Variants in MUC5B observed in about 807,000 individuals in gnomAD.
MUC5B encodes mucin 5B, oligomeric mucus/gel-forming, also known as mucin-5B.
MUC5B carries 116 observed loss-of-function variants against 376.9 expected under a neutral mutation model. The observed-to-expected ratio is 0.31, with a 90% confidence interval of 0.26 to 0.36. The LOEUF is 0.36. Ranked by LOEUF, MUC5B falls within the 10% of genes least tolerant of loss-of-function variation. The probability of loss-of-function intolerance (pLI) is 1.00; values close to 1 mark genes in which losing one functional copy is unlikely to be tolerated. For missense variants in MUC5B, 7,165 were observed against 7,769.9 expected (o/e 0.92, Z 2.93); for synonymous variants, 3,517 against 3,390.9 (o/e 1.04, Z -1.29).
Position 1,250,340 on chromosome 11 carries a change from C to T in MUC5B, c.13460C>T (p.Thr4487Ile), listed in dbSNP as rs1293731433. Residue 4487 changes from threonine to isoleucine, a missense_variant, in exon 31 of 49, where the codon ACA becomes ATA. Transcript: ENST00000529681. ...CCACATGTGAGCACCACGGCCACGA[C>T]ACCCACAGTCACCAGCTCCAAAGCC... ...GTPHVSTTAT[T>I]PTVTSSKATP... The T allele has an allele frequency of 2.5e-6, 4 of 1,613,394 alleles. No individual in the cohort carries two copies. The highest frequency in any genetic ancestry group is 3.4e-6 in the Non-Finnish European group (4 of 1,179,722).
Position 1,251,345 on chromosome 11 carries a change from T to C in MUC5B, c.14465T>C (p.Leu4822Pro), listed in dbSNP as rs182095243. Reference sequence around the variant, plus strand: ...GGGACGACCCGGATCCTCACTGAGCTGACCACAACAGCCACTACAACTGCA... The same window carrying C: ...GGGACGACCCGGATCCTCACTGAGCCGACCACAACAGCCACTACAACTGCA... ...TLGTTRILTE[L>P]TTTATTTAAT... The change falls in exon 31 of 49, where the codon CTG becomes CCG. Residue 4822 changes from leucine to proline, a missense_variant. Transcript: ENST00000529681. 6.4e-7 allele frequency: 1 copy of C among 1,553,524 alleles called. No individual in the cohort carries two copies. Among genetic ancestry groups the C allele is most frequent in the East Asian group, 2.2e-5 (1 of 44,860 alleles).
intron 10 of MUC5B, 85 bp downstream of exon 10, chr11:1,229,892 G>C (rs1177812390): frequency 6.5e-7 from 1 of 1,544,608 alleles, no homozygotes; most frequent in Admixed American, 1.9e-5. Context: ...GCCTGGGGTG[G>C]GGGTGTGGAG....
Position 1,223,075 on chromosome 11 carries a change from G to A in MUC5B, c.-49G>A, listed in dbSNP as rs760883525. ...CCCCAGGGGAGCAAGCACCCGGCCC[G>A]GCTCCCTCCCTGCCCGTCCCCGTCC... On this transcript the variant is annotated 5_prime_UTR_variant, in exon 1 of 49. Transcript: ENST00000529681. 15 of 689,504 alleles carry A rather than the reference G, an allele frequency of 2.2e-5. No individual in the cohort carries two copies. Among genetic ancestry groups the A allele is most frequent in the East Asian group, 8.1e-5 (3 of 36,990 alleles). The allele number at this position is 689,504 out of a possible 1,614,324, so 42.7% of individuals were successfully genotyped here. A position where few individuals can be genotyped will look rare whatever the true frequency, so the allele number is the denominator to read the frequency against.
rs369647818 is a variant in MUC5B at position 1,244,637 on chromosome 11, C to G, written c.7757C>G (p.Thr2586Arg). ...TSTVLTTTAT[T>R]TGATGSVATP... ...ACAGTGCTTACCACCACGGCCACCACAACCGGGGCCACCGGCTCTGTGGCC... is the reference window on the plus strand; with the variant it reads ...ACAGTGCTTACCACCACGGCCACCAGAACCGGGGCCACCGGCTCTGTGGCC... Residue 2586 changes from threonine to arginine, a missense_variant, in exon 31 of 49, where the codon ACA becomes AGA. Coordinates refer to ENST00000529681, the MANE Select transcript of MUC5B (RefSeq NM_002458.3). 7.4e-6 allele frequency: 12 copies of G among 1,613,752 alleles called. No individual in the cohort carries two copies. Among genetic ancestry groups the G allele is most frequent in the Non-Finnish European group, 1.0e-5 (12 of 1,179,802 alleles).
chr11:1,223,295 T>A (rs1475340054), intron 1 of MUC5B, 102 bp downstream of exon 1: 5 of 697,468 alleles, frequency 7.2e-6, no homozygotes, highest in Admixed American at 2.0e-5. Flanking sequence ...CACGGGCAGA[T>A]CCCCCTACGA....
At chr11:1,228,787 G>C in intron 8 of MUC5B, 22 bp downstream of exon 8, 1 of 1,323,142 alleles carries the variant, frequency 7.6e-7, no homozygotes, top group Non-Finnish European at 9.8e-7. Flanking sequence ...CAGGGCCTTC[G>C]CCAGGGATTG....
At position 1,242,210 on chromosome 11, in the gene MUC5B, C is replaced by T. The variant is rs759871697; in HGVS notation, c.5330C>T (p.Thr1777Ile). The T allele has an allele frequency of 6.2e-6, 10 of 1,613,598 alleles. No individual in the cohort carries two copies. The South Asian group carries it at 8.8e-5, about 14-fold the overall frequency. ...ATGAGCCCCTTGACTAACACCACCA[C>T]CAGCCAGGGCACGACCCGCTGTCAA... ...TTMSPLTNTT[T>I]SQGTTRCQPK... Residue 1777 changes from threonine (T) to isoleucine (I), a missense_variant, in exon 31 of 49, where the codon ACC (threonine) becomes ATC (isoleucine). By Grantham distance (89) the Thr-to-Ile change is moderately conservative (BLOSUM62 -1). Transcript: ENST00000529681.
At position 1,247,504 on chromosome 11, in the gene MUC5B, A is replaced by G; in HGVS notation, c.10624A>G (p.Thr3542Ala). 7 of 1,607,970 alleles carry G rather than the reference A, an allele frequency of 4.4e-6. No homozygotes were observed. Among genetic ancestry groups the G allele is most frequent in the Non-Finnish European group, 5.9e-6 (7 of 1,177,630 alleles). ...HTRGTSRTTA[T>A]ATPSKTRTST... ...CAGGGGCACCTCCAGGACCACAGCCACAGCCACACCCAGCAAGACCCGCAC... is the reference window on the plus strand; with the variant it reads ...CAGGGGCACCTCCAGGACCACAGCCGCAGCCACACCCAGCAAGACCCGCAC... The change falls in exon 31 of 49, where the codon ACA (threonine) becomes GCA (alanine). Residue 3542 changes from threonine to alanine, a missense_variant. Transcript: ENST00000529681.
rs60268710 is a variant in MUC5B, at chr11:1,246,332, C to T, written c.9452C>T (p.Thr3151Met). 501,714 of 1,612,516 alleles carry T rather than the reference C, an allele frequency of 0.31. 81,152 individuals are homozygous for T. Among genetic ancestry groups the T allele is most frequent in the East Asian group, 0.6 (26,814 of 44,684 alleles). Residue 3151 changes from threonine (T) to methionine (M), a missense_variant, in exon 31 of 49, where the codon ACG (threonine) becomes ATG (methionine). Coordinates refer to ENST00000529681, the MANE Select transcript of MUC5B (RefSeq NM_002458.3). ...AATTTAATGP[T>M]ATPSSTPGTT... ...ACTACAACTGCAGCCACTGGCCCCACGGCCACCCCGTCCTCCACCCCAGGG... is the reference window on the plus strand; with the variant it reads ...ACTACAACTGCAGCCACTGGCCCCATGGCCACCCCGTCCTCCACCCCAGGG...
At chr11:1,256,504 ACCCCAGCCCCACCCGTCCCCGC>A (rs1373156540) in intron 38 of MUC5B, 145 bp from the exon 39 acceptor site, 2 of 27,230 alleles carry the variant, frequency 7.3e-5, no homozygotes, top group Non-Finnish European at 1.3e-4. Flanking sequence ...GCCCACCCCC[ACCCCAGCCCCACCCGTCCCCGC>A]CCCCAGCCCC....
In MUC5B at chr11:1,242,129, C is replaced by G. The variant is rs771873648; in HGVS notation, c.5249C>G (p.Thr1750Arg). The change falls in exon 31 of 49, where the codon ACG becomes AGG. Residue 1750 changes from threonine (T) to arginine (R), a missense_variant. Around this residue, in one of 31 missense-constraint regions of MUC5B, gnomAD observed 897 missense variants for 779.6 expected, o/e 1.15. Coordinates refer to ENST00000529681, the MANE Select transcript of MUC5B (RefSeq NM_002458.3). ...ACCACGAGCCTGGCGCCAACACTCA[C>G]GAGCGAGCTGTCCACCTCTCAGGCC... ...PLTTSLAPTL[T>R]SELSTSQAET... is the part of the protein sequence containing the mutation. 6.8e-6 allele frequency: 11 copies of G among 1,613,300 alleles called. No individual in the cohort carries two copies. Among genetic ancestry groups the G allele is most frequent in the Non-Finnish European group, 9.3e-6 (11 of 1,179,878 alleles).
intron 46 of MUC5B, 108 bp from the exon 47 acceptor site, chr11:1,260,243 C>A: frequency 7.3e-7 from 1 of 1,371,212 alleles, no homozygotes; most frequent in Non-Finnish European, 1.0e-6. Flanking sequence ...AGGCCCCGCC[C>A]CTGCCCGGGA....
rs1456573283 is a variant in MUC5B at position 1,258,579 on chromosome 11, G to A, written c.16593+212G>A. Among the ~76,000 whole-genome samples the A allele has an allele frequency of 1.3e-5, 2 of 152,150 alleles. No homozygotes were observed. Among genetic ancestry groups the A allele is most frequent in the African/African-American group, 4.8e-5 (2 of 41,416 alleles). On this transcript the variant is annotated intron_variant, in intron 43 of 48. Transcript: ENST00000529681. The surrounding 1 kb of genome is among the most constrained non-coding windows in gnomAD (Gnocchi z 5.5). The stretch of plus-strand genomic sequence containing the variant: ...TGAGCTCCACAACTGCTGCCTCTGA[G>A]AGGTCCCTTCAGGGGCTCCCAGCAA...
chr11:1,261,243 G>C, intron 48 of MUC5B, 146 bp from the exon 49 acceptor site: 1 of 678,998 alleles, frequency 1.5e-6, no homozygotes, highest in South Asian at 1.9e-5. Context: ...AGAAGGTGAA[G>C]CCTCACGTGC....
chr11:1,224,536 G>A (rs1005114109), intron 1 of MUC5B, among the ~76,000 whole-genome samples: 1 of 146,028 alleles, frequency 6.8e-6, no homozygotes, highest in Non-Finnish European at 1.5e-5. Flanking sequence ...TGGGGCGGGG[G>A]AGGGGCTGTA....
chr11:1,242,130 G>C lies in MUC5B; in HGVS notation c.5250G>C (p.Thr1750=), dbSNP rs375384426. ...CCACGAGCCTGGCGCCAACACTCACGAGCGAGCTGTCCACCTCTCAGGCCG... is the reference window on the plus strand; with the variant it reads ...CCACGAGCCTGGCGCCAACACTCACCAGCGAGCTGTCCACCTCTCAGGCCG... ...PLTTSLAPTL[T]SELSTSQAET... Residue 1750 remains threonine (T), a synonymous_variant, in exon 31 of 49, where the codon ACG becomes ACC. Coordinates refer to ENST00000529681, the MANE Select transcript of MUC5B (RefSeq NM_002458.3). The C allele has an allele frequency of 1.2e-6, 2 of 1,613,350 alleles. No homozygotes were observed. Among genetic ancestry groups the C allele is most frequent in the Non-Finnish European group, 1.7e-6 (2 of 1,179,866 alleles).
chr11:1,227,258 G>GT, intron 5 of MUC5B, 50 bp from the exon 6 acceptor site: 1 of 1,581,014 alleles, frequency 6.3e-7, no homozygotes, highest in Non-Finnish European at 8.7e-7. Context: ...CATGTTGCCA[G>GT]TGTGGGGATC....
rs530266402 is a variant in MUC5B at position 1,253,459 on chromosome 11, C to T, written c.15217+479C>T. Among the ~76,000 whole-genome samples the T allele has an allele frequency of 2.8e-4, 42 of 152,214 alleles. No homozygotes were observed. Among genetic ancestry groups the T allele is most frequent in the Admixed American group, 2.7e-3 (42 of 15,302 alleles). On this transcript the variant is annotated intron_variant, in intron 33 of 48. Transcript: ENST00000529681. The surrounding 1 kb of genome is among the most constrained non-coding windows in gnomAD (Gnocchi z 4.3). Reference sequence around the variant, plus strand: ...CCTGGGTCCTAACAGCGGCTTCCATCACCGTGCGGGACCCACCGCTAAGAG... The same window carrying T: ...CCTGGGTCCTAACAGCGGCTTCCATTACCGTGCGGGACCCACCGCTAAGAG...
rs1285960459 is a variant in MUC5B at position 1,240,205 on chromosome 11, C to T, written c.3800C>T (p.Thr1267Ile). 2.5e-6 allele frequency: 4 copies of T among 1,610,868 alleles called. No individual in the cohort carries two copies. In the South Asian group the frequency reaches 4.4e-5, roughly 18 times the overall value. The change falls in exon 30 of 49, where the codon ACC becomes ATC. Residue 1267 changes from threonine (T) to isoleucine (I), a missense_variant. Transcript: ENST00000529681. ...EACTCTYEDR[T>I]YSYQDVIYNT... ...TGCACCTGCACCTATGAGGACAGGA[C>T]CTACAGCTACCAGGACGTCATCTAC...
Sources: allele counts gnomAD v4.1 joint callset (sites outside exome capture counted in the v4.1 genomes callset), GRCh38; gene constraint gnomAD v4.1.1; regional missense constraint gnomAD v4.1.1; non-coding constraint Gnocchi (gnomAD v3.1); transcripts MANE v1.5; gene names NCBI Gene and HGNC (gene_info 2026-07-23, HGNC 2026-07-21).